The following CCDC30 variants were observed in gnomAD, a reference collection of about 807,000 sequenced individuals.
The protein encoded by CCDC30 is coiled-coil domain-containing protein 30.
In CCDC30, 70 loss-of-function variants were observed where a neutral mutation model predicts 100.2. The ratio of observed to expected loss-of-function variants is 0.70; its 90% CI spans 0.58 to 0.85. The LOEUF (loss-of-function observed/expected upper bound fraction) is 0.85, where lower values mean the gene tolerates loss of function less well. Among genes scored for constraint, CCDC30 ranks in the 40% least tolerant of loss-of-function variants. CCDC30 has a pLI of 0.00. For synonymous variants in CCDC30, 233 were observed against 269.5 expected, an observed-to-expected ratio of 0.86 and a Z score of 1.33; for missense variants, 652 against 771.2, an observed-to-expected ratio of 0.85 and a Z score of 1.83.
intron 6 of CCDC30, among the ~76,000 whole-genome samples, chr1:42,540,245 G>T (rs1317256364): frequency 6.6e-6 from 1 of 152,182 alleles, no homozygotes; most frequent in Non-Finnish European, 1.5e-5. Flanking sequence ...TTGGGACATA[G>T]ATCAGATAGC....
chr1:42,477,414 A>G (rs1021307415), intron 1 of CCDC30, among the ~76,000 whole-genome samples: 17 of 151,902 alleles, frequency 1.1e-4, no homozygotes, highest in African/African-American at 3.9e-4. Flanking sequence ...ATTTTTAGTA[A>G]AGACGGGGTT....
intron 4 of CCDC30, among the ~76,000 whole-genome samples, chr1:42,495,747 C>A (rs75216237): frequency 0.012 from 1,851 of 152,066 alleles, 32 homozygotes; most frequent in African/African-American, 0.041. Context: ...ATGAGGAAAA[C>A]TCCAGGCTCA....
chr1:42,473,725 A>C (rs186369122), intron 1 of CCDC30, among the ~76,000 whole-genome samples: 6 of 152,342 alleles, frequency 3.9e-5, no homozygotes, highest in Admixed American at 3.3e-4. Flanking sequence ...ATTGACAATA[A>C]GAAATATAAT....
At chr1:42,620,582 C>CA (rs201850758) in intron 11 of CCDC30, among the ~76,000 whole-genome samples, 20,289 of 108,416 alleles carry the variant, frequency 0.19, 1,602 homozygotes, top group South Asian at 0.33. Flanking sequence ...ATATGAGGGG[C>CA]AAAAAAAAAA....
chr1:42,528,772 T>G (rs1021148797), intron 6 of CCDC30, among the ~76,000 whole-genome samples: 1 of 152,210 alleles, frequency 6.6e-6, no homozygotes, highest in Admixed American at 6.5e-5. Context: ...CACATGGCTG[T>G]CTGTATCGTA....
At chr1:42,500,487 C>A in intron 6 of CCDC30, 1 of 584,556 alleles carries the variant, frequency 1.7e-6, no homozygotes, top group East Asian at 3.1e-5. Context: ...GATGTCGGCT[C>A]ACTGTAAGCT....
chr1:42,596,747 A>C lies in CCDC30; in HGVS notation c.1164+7264A>C, dbSNP rs567202619. Among the ~76,000 whole-genome samples, 5 of 88,010 alleles carry C rather than the reference A, an allele frequency of 5.7e-5. No individual in the cohort carries two copies. Among genetic ancestry groups the C allele is most frequent in the African/African-American group, 1.6e-4 (4 of 24,502 alleles). 57.7% of individuals were successfully genotyped at this position (88,010 alleles called of 152,430 possible). On this transcript the variant is annotated intron_variant, in intron 10 of 16. Coordinates refer to ENST00000668663, the Ensembl canonical transcript of CCDC30. This position sits in a 1 kb window ranked among gnomAD's most constrained non-coding sequence, Gnocchi z 4.3. ...CACGCTAAAAGGCAAAAAAACAAAC[A>C]AACAAACAAACAAAAACAGTTTGAA...
At chr1:42,499,646 T>A in intron 6 of CCDC30, among the ~76,000 whole-genome samples, 1 of 152,140 alleles carries the variant, frequency 6.6e-6, no homozygotes. Context: ...CAACTAATTT[T>A]AAAAAATCTT....
intron 11 of CCDC30, among the ~76,000 whole-genome samples, chr1:42,618,141 A>G (rs1646759771): frequency 6.6e-6 from 1 of 151,756 alleles, no homozygotes; most frequent in Admixed American, 6.6e-5. Context: ...AACTGTGAAC[A>G]GCTGGGAAAC....
chr1:42,600,323 G>A (rs1205929207), intron 10 of CCDC30, among the ~76,000 whole-genome samples: 1 of 152,180 alleles, frequency 6.6e-6, no homozygotes, highest in Non-Finnish European at 1.5e-5. Context: ...ACTGCAAGGA[G>A]GAGTAGGTGA....
chr1:42,577,325 T>G (rs768179995), intron 8 of CCDC30, 96 bp downstream of exon 12: 14 of 803,014 alleles, frequency 1.7e-5, no homozygotes, highest in Non-Finnish European at 2.7e-5. Context: ...TGATGCAGAC[T>G]TGATAGAATT....
chr1:42,537,291 G>A (rs142923339), intron 6 of CCDC30: 2 of 455,912 alleles, frequency 4.4e-6, no homozygotes, highest in Non-Finnish European at 8.8e-6. Flanking sequence ...AGACCTGGAA[G>A]TGAGTTCATG....
chr1:42,576,794 A>T (rs1645847272), intron 7 of CCDC30, among the ~76,000 whole-genome samples: 1 of 152,152 alleles, frequency 6.6e-6, no homozygotes, highest in Non-Finnish European at 1.5e-5. Context: ...AAGGATGGAA[A>T]ATGTTTAGAC....
At chr1:42,591,338 T>G (rs892633650) in intron 10 of CCDC30, 1 of 152,312 alleles carries the variant, frequency 6.6e-6, no homozygotes, top group African/African-American at 2.4e-5. Context: ...GGCCAAGCAC[T>G]GGGTACCACT....
chr1:42,502,121 G>A (rs957192913), intron 6 of CCDC30, among the ~76,000 whole-genome samples: 7 of 152,118 alleles, frequency 4.6e-5, no homozygotes, highest in African/African-American at 1.4e-4. Flanking sequence ...TGAGCTTCCC[G>A]GCTTCTTTGT....
intron 9 of CCDC30, among the ~76,000 whole-genome samples, chr1:42,588,013 T>C (rs1390327054): frequency 6.6e-6 from 1 of 151,988 alleles, no homozygotes; most frequent in Admixed American, 6.6e-5. Context: ...CAACTAAAAT[T>C]TGGGGGGTTA....
intron 10 of CCDC30, chr1:42,594,798 A>G (rs1373467743): frequency 6.6e-6 from 1 of 152,246 alleles, no homozygotes; most frequent in African/African-American, 2.4e-5. Flanking sequence ...ACTACCAGTA[A>G]TACAATAGCA....
chr1:42,618,379 G>A (rs778729588), intron 11 of CCDC30, among the ~76,000 whole-genome samples: 2 of 151,908 alleles, frequency 1.3e-5, no homozygotes, highest in Non-Finnish European at 2.9e-5. Flanking sequence ...TGGGATTACA[G>A]GCATGTGCCA....
At chr1:42,491,043 TAAA>T (rs1398993263) in intron 4 of CCDC30, among the ~76,000 whole-genome samples, 2 of 152,178 alleles carry the variant, frequency 1.3e-5, no homozygotes, top group Non-Finnish European at 2.9e-5. Context: ...CGGTAACAGC[TAAA>T]AAATTTTTAA....
Sources: allele counts gnomAD v4.1 joint callset (sites outside exome capture counted in the v4.1 genomes callset), GRCh38; gene constraint gnomAD v4.1.1; non-coding constraint Gnocchi (gnomAD v3.1); transcripts MANE v1.5; gene names NCBI Gene and HGNC (gene_info 2026-07-23, HGNC 2026-07-21).